Variants in ENTPD4 observed in about 807,000 individuals in gnomAD.
ENTPD4 encodes ectonucleoside triphosphate diphosphohydrolase 4.
ENTPD4 carries 60 observed loss-of-function variants against 79.1 expected under a neutral mutation model. That is an observed-to-expected ratio of 0.76 (90% CI 0.62 to 0.94). ENTPD4 has a LOEUF of 0.94. Ranked by LOEUF, ENTPD4 falls within the 40% of genes least tolerant of loss-of-function variation. The pLI is 0.00. For synonymous variants in ENTPD4, 276 were observed against 292.0 expected, an observed-to-expected ratio of 0.95 and a Z score of 0.56; for missense variants, 772 against 775.1, an observed-to-expected ratio of 1.00 and a Z score of 0.05.
Position 23,429,503 on chromosome 8 carries a change from T to A in ENTPD4, c.*3423A>T. 1 of 985,436 alleles carries A rather than the reference T, an allele frequency of 1.0e-6. No individual in the cohort carries two copies. The highest frequency in any genetic ancestry group is 1.2e-6 in the Non-Finnish European group (1 of 829,920). The allele number at this position is 985,436 out of a possible 1,614,324, so 61.0% of individuals were successfully genotyped here. A position where few individuals can be genotyped will look rare whatever the true frequency, so the allele number is the denominator to read the frequency against. ...GTAGTTTTGTTGCATTGCACACAACTGACCGCAGAGAATTCTAAAGCTGAT... is the reference window on the plus strand; with the variant it reads ...GTAGTTTTGTTGCATTGCACACAACAGACCGCAGAGAATTCTAAAGCTGAT... On this transcript the variant is annotated 3_prime_UTR_variant, in exon 13 of 13. Coordinates refer to ENST00000358689, the MANE Select transcript of ENTPD4 (RefSeq NM_004901.5).
chr8:23,448,052 C>A (rs1162252509), intron 3 of ENTPD4, among the ~76,000 whole-genome samples, 167 bp from the exon 4 acceptor site: 1 of 152,108 alleles, frequency 6.6e-6, no homozygotes. Flanking sequence ...GAAAACAAAA[C>A]AAGTGATGAT....
At chr8:23,441,238 A>ATCAC (rs1280502287) in intron 8 of ENTPD4, among the ~76,000 whole-genome samples, 9 of 152,372 alleles carry the variant, frequency 5.9e-5, no homozygotes, top group African/African-American at 1.7e-4. Flanking sequence ...AACTTAAAAA[A>ATCAC]TCAGATGTTA....
chr8:23,434,741 A>G (rs951564740), intron 11 of ENTPD4: 1 of 1,277,110 alleles, frequency 7.8e-7, no homozygotes, highest in Non-Finnish European at 9.9e-7. Flanking sequence ...TCCCTGAGAT[A>G]GGTTTCTTTT....
chr8:23,449,918 A>T lies in ENTPD4; in HGVS notation c.-18T>A. On this transcript the variant is annotated 5_prime_UTR_variant, in exon 2 of 13. Transcript: ENST00000358689. Reference sequence around the variant, plus strand: ...CTCCCCATACTGAAAGGTCAGCAACAAGGCAATGCTCTGGGATTCAGTCCT... The same window carrying T: ...CTCCCCATACTGAAAGGTCAGCAACTAGGCAATGCTCTGGGATTCAGTCCT... The T allele has an allele frequency of 6.2e-7, 1 of 1,614,060 alleles. No individual in the cohort carries two copies. Among genetic ancestry groups the T allele is most frequent in the Non-Finnish European group, 8.5e-7 (1 of 1,179,932 alleles).
At chr8:23,448,444 C>T (rs936335726) in intron 3 of ENTPD4, among the ~76,000 whole-genome samples, 4 of 152,128 alleles carry the variant, frequency 2.6e-5, no homozygotes, top group Admixed American at 6.5e-5. Context: ...GGAGGTGGGG[C>T]CTCAGGGGGA....
chr8:23,450,356 A>G (rs1800838045), intron 1 of ENTPD4, among the ~76,000 whole-genome samples: 1 of 152,230 alleles, frequency 6.6e-6, no homozygotes, highest in Non-Finnish European at 1.5e-5. Flanking sequence ...TGAAATATCC[A>G]TTCACTTGAT....
chr8:23,442,608 G>A (rs1288185316), intron 6 of ENTPD4, among the ~76,000 whole-genome samples: 1 of 152,020 alleles, frequency 6.6e-6, no homozygotes, highest in Admixed American at 6.6e-5. Context: ...ACTTCAACCC[G>A]GGAGGTGGAG....
At chr8:23,435,055 A>C (rs1321202076) in intron 11 of ENTPD4, among the ~76,000 whole-genome samples, 3 of 152,214 alleles carry the variant, frequency 2.0e-5, no homozygotes, top group Non-Finnish European at 4.4e-5. Context: ...TGAATTCTTG[A>C]GACTCAGAGA....
Position 23,444,562 on chromosome 8 carries a change from T to G in ENTPD4, c.457A>C (p.Ile153Leu). ...ATSPEKVSDY[I>L]SPLLNFAAEH... ...GCAGCAAAGTTCAAAAGTGGAGAAA[T>G]GTAATCACTGACTTTCTCTGGAGAG... is the stretch of plus-strand genomic sequence containing the variant. The change falls in exon 5 of 13, where the codon ATT becomes CTT. Residue 153 changes from isoleucine to leucine, a missense_variant. Physicochemically the swap from Ile to Leu is conservative, Grantham distance 5 (BLOSUM62 2). Coordinates refer to ENST00000358689, the MANE Select transcript of ENTPD4 (RefSeq NM_004901.5). 2.5e-6 allele frequency: 4 copies of G among 1,614,122 alleles called. No individual in the cohort carries two copies. The highest frequency in any genetic ancestry group is 2.5e-6 in the Non-Finnish European group (3 of 1,179,952).
rs756830549 is a variant in ENTPD4 at position 23,439,869 on chromosome 8, T to C, written c.929A>G (p.Asp310Gly). 5.0e-6 allele frequency: 8 copies of C among 1,613,998 alleles called. No individual in the cohort carries two copies. In the Admixed American group the frequency reaches 1.3e-4, roughly 27 times the overall value. ...NLLAEFNLGC[D>G]VHQTEHVYRV... Reference sequence around the variant, plus strand: ...ATACACATGCTCAGTTTGGTGAACATCACATCCCAAGTTAAATTCAGCTAA... The same window carrying C: ...ATACACATGCTCAGTTTGGTGAACACCACATCCCAAGTTAAATTCAGCTAA... Residue 310 changes from aspartate (D) to glycine (G), a missense_variant, in exon 9 of 13, where the codon GAT (aspartate) becomes GGT (glycine). Asp to Gly is a moderately conservative substitution (Grantham distance 94). Transcript: ENST00000358689.
chr8:23,447,818 C>T lies in ENTPD4; in HGVS notation c.274G>A (p.Val92Met), dbSNP rs201335251. The part of the protein sequence containing the change: ...TNNPNVNYGI[V>M]VDCGSSGSRV... ...GACCCACTGCTACCACAGTCCACCACGATCCCATAGTTCACATTGGGGTTA... is the reference window on the plus strand; with the variant it reads ...GACCCACTGCTACCACAGTCCACCATGATCCCATAGTTCACATTGGGGTTA... The change falls in exon 4 of 13, where the codon GTG becomes ATG. Residue 92 changes from valine to methionine, a missense_variant. Coordinates refer to ENST00000358689, the MANE Select transcript of ENTPD4 (RefSeq NM_004901.5). 6.2e-6 allele frequency: 10 copies of T among 1,614,058 alleles called. No homozygotes were observed. Among genetic ancestry groups the T allele is most frequent in the Admixed American group, 3.3e-5 (2 of 60,010 alleles).
In ENTPD4 at chr8:23,432,239, G is replaced by A. The variant is rs1402988148; in HGVS notation, c.*687C>T. On this transcript the variant is annotated 3_prime_UTR_variant, in exon 13 of 13. Transcript: ENST00000358689. ...AAAAAGAGGATTATCATTTCAGGCA[G>A]TAAGTTTTTTGGTTCTATGAAAGCA... is the stretch of plus-strand genomic sequence containing the variant. 11 of 985,324 alleles carry A rather than the reference G, an allele frequency of 1.1e-5. No individual in the cohort carries two copies. Among genetic ancestry groups the A allele is most frequent in the Non-Finnish European group, 1.3e-5 (11 of 829,922 alleles). 61.0% of individuals were successfully genotyped at this position (985,324 alleles called of 1,614,324 possible).
Position 23,432,787 on chromosome 8 carries a change from C to T in ENTPD4, c.*139G>A. On this transcript the variant is annotated 3_prime_UTR_variant, in exon 13 of 13. Coordinates refer to ENST00000358689, the MANE Select transcript of ENTPD4 (RefSeq NM_004901.5). ...TGCTGGGATTACAGGCGTGAGCCAC[C>T]GCGCTCGGCCTGCATTTTGTTTTTG... is the stretch of plus-strand genomic sequence containing the variant. 5.6e-6 allele frequency: 8 copies of T among 1,435,192 alleles called. No homozygotes were observed. Among genetic ancestry groups the T allele is most frequent in the South Asian group, 3.0e-5 (2 of 66,380 alleles). The allele number at this position is 1,435,192 out of a possible 1,614,324, so 88.9% of individuals were successfully genotyped here.
chr8:23,453,515 C>A (rs1273768295), intron 1 of ENTPD4, among the ~76,000 whole-genome samples: 2 of 152,030 alleles, frequency 1.3e-5, no homozygotes, highest in Non-Finnish European at 2.9e-5. Flanking sequence ...GAAAAATGAG[C>A]AAAGACAATT....
At chr8:23,451,580 A>G (rs1334054054) in intron 1 of ENTPD4, among the ~76,000 whole-genome samples, 2 of 152,150 alleles carry the variant, frequency 1.3e-5, no homozygotes, top group Non-Finnish European at 2.9e-5. Flanking sequence ...GTACTCAGAA[A>G]TCCTCCAAAG....
chr8:23,449,282 G>A (rs1022390045), intron 2 of ENTPD4, among the ~76,000 whole-genome samples: 3 of 152,222 alleles, frequency 2.0e-5, no homozygotes, highest in South Asian at 2.1e-4. Flanking sequence ...TATATAAATC[G>A]ATCATGAAAT....
rs761165634 is a variant in ENTPD4, at chr8:23,433,083, T to A, written c.1694A>T (p.Tyr565Phe). 1.2e-6 allele frequency: 2 copies of A among 1,613,926 alleles called. No homozygotes were observed. The change falls in exon 13 of 13, where the codon TAC (tyrosine) becomes TTC (phenylalanine). Residue 565 changes from tyrosine (Y) to phenylalanine (F), a missense_variant. By Grantham distance (22) the Tyr-to-Phe change is conservative. Transcript: ENST00000358689. The stretch of plus-strand genomic sequence containing the variant: ...CACCAGGAAGCAGCCAGAGAACAGG[T>A]AGTGGTTGTAGACAAAGGAAACGCC... ...WRGVSFVYNH[Y>F]LFSGCFLVVL...
chr8:23,449,971 TG>T lies in ENTPD4; in HGVS notation c.-72del. ...TCACAAACAATTATAGAAATAATGC[TG>T]GGGTCCTCACGGAGTTAGAGCCCTC... On this transcript the variant is annotated 5_prime_UTR_variant, in exon 2 of 13. Transcript: ENST00000358689. 6.2e-7 allele frequency: 1 copy of T among 1,608,798 alleles called. No individual in the cohort carries two copies. The highest frequency in any genetic ancestry group is 8.5e-7 in the Non-Finnish European group (1 of 1,175,208).
intron 8 of ENTPD4, among the ~76,000 whole-genome samples, chr8:23,440,520 T>C (rs1800649766): frequency 6.6e-6 from 1 of 152,226 alleles, no homozygotes. Context: ...CCAAACGTTA[T>C]TTCTATGTAT....
Sources: gnomAD v4.1 joint callset for allele counts (sites outside exome capture counted in the v4.1 genomes callset) on GRCh38, gnomAD v4.1.1 for gene constraint, MANE v1.5 for transcripts, NCBI Gene and HGNC (gene_info 2026-07-23, HGNC 2026-07-21) for gene names.